SGCZ: variants seen among roughly 807,000 people sequenced by gnomAD.
SGCZ encodes sarcoglycan zeta.
Under a neutral mutation model 41.3 loss-of-function variants are expected in SGCZ, and 40 were observed. The ratio of observed to expected loss-of-function variants is 0.97; its 90% CI spans 0.75 to 1.26. The LOEUF is 1.26. Among genes scored for constraint, SGCZ ranks in the 50% most tolerant of loss-of-function variants. SGCZ has a pLI of 0.00. For missense variants in SGCZ, 552 were observed against 369.8 expected (o/e 1.49, Z -4.04); for synonymous variants, 206 against 137.5 (o/e 1.50, Z -3.49).
At chr8:15,024,756 G>A (rs1803385375) in intron 1 of SGCZ, among the ~76,000 whole-genome samples, 1 of 151,960 alleles carries the variant, frequency 6.6e-6, no homozygotes, top group Non-Finnish European at 1.5e-5. Flanking sequence ...CTAACATGGT[G>A]AAACCCCATC....
At chr8:14,565,343 G>C (rs1413953229) in intron 1 of SGCZ, among the ~76,000 whole-genome samples, 1 of 151,708 alleles carries the variant, frequency 6.6e-6, no homozygotes, top group Non-Finnish European at 1.5e-5. Flanking sequence ...TTTAGGCACA[G>C]GTTTACATTT....
At chr8:15,033,788 CT>C (rs1156512219) in intron 1 of SGCZ, among the ~76,000 whole-genome samples, 1 of 152,220 alleles carries the variant, frequency 6.6e-6, no homozygotes, top group East Asian at 1.9e-4. Context: ...AGGATACAAG[CT>C]TCAGGCCCAT....
chr8:14,320,252 C>T (rs546071200), intron 3 of SGCZ, among the ~76,000 whole-genome samples: 11 of 151,098 alleles, frequency 7.3e-5, no homozygotes, highest in South Asian at 4.2e-4. Context: ...CATGATAATA[C>T]AATGATTATG....
chr8:14,759,537 A>G (rs776573142), intron 1 of SGCZ, among the ~76,000 whole-genome samples: 3 of 152,208 alleles, frequency 2.0e-5, no homozygotes, highest in East Asian at 1.9e-4. Context: ...GCTTTTCTAC[A>G]TGACATGGAG....
At chr8:14,526,863 T>A (rs942397344) in intron 2 of SGCZ, among the ~76,000 whole-genome samples, 1 of 152,130 alleles carries the variant, frequency 6.6e-6, no homozygotes, top group Admixed American at 6.6e-5. Context: ...CAAATTCCAC[T>A]ATGTGATCAA....
chr8:15,199,086 A>C lies in SGCZ; in HGVS notation c.39+38499T>G, dbSNP rs190398230. 6.5e-3 allele frequency among the ~76,000 whole-genome samples: 986 copies of C among 152,344 alleles called. 5 individuals carry two copies. The highest frequency in any genetic ancestry group is 0.011 in the Non-Finnish European group (767 of 68,026). ...TTCCTCTGCCAAAACTAGGTACCAA[A>C]ACTTCATAAATTTTTAGGAACATCA... On this transcript the variant is annotated intron_variant, in intron 1 of 7. Transcript: ENST00000382080.
At position 14,774,514 on chromosome 8, in the gene SGCZ, C is replaced by T. The variant is rs80091214; in HGVS notation, c.40-219588G>A. Among the ~76,000 whole-genome samples the T allele has an allele frequency of 1.1e-3, 166 of 152,296 alleles. 3 individuals carry two copies. The East Asian group carries it at 0.026, about 23-fold the overall frequency. Reference sequence around the variant, plus strand: ...GTGAGATAGAAACCACATGTTGCAGCCCTTATGGCTTCTCCCACATGGTGT... The same window carrying T: ...GTGAGATAGAAACCACATGTTGCAGTCCTTATGGCTTCTCCCACATGGTGT... On this transcript the variant is annotated intron_variant, in intron 1 of 7. Coordinates refer to ENST00000382080, the MANE Select transcript of SGCZ (RefSeq NM_139167.4).
intron 1 of SGCZ, among the ~76,000 whole-genome samples, chr8:14,640,595 C>A (rs1585146558): frequency 7.0e-6 from 1 of 143,602 alleles, no homozygotes; most frequent in Non-Finnish European, 1.5e-5. Context: ...GTTGATAAAC[C>A]AAAACACCAC....
At chr8:14,856,762 A>G (rs549072281) in intron 1 of SGCZ, among the ~76,000 whole-genome samples, 8 of 152,312 alleles carry the variant, frequency 5.3e-5, no homozygotes, top group Admixed American at 5.2e-4. Context: ...GCCAGGTTTT[A>G]CAAGCACAGG....
At chr8:14,137,927 A>G (rs1206661451) in intron 5 of SGCZ, among the ~76,000 whole-genome samples, 2 of 152,336 alleles carry the variant, frequency 1.3e-5, no homozygotes, top group Middle Eastern at 3.4e-3. Flanking sequence ...GGGCAGCCAG[A>G]GAGAAAGGTC....
chr8:14,262,359 T>C (rs552359264), intron 3 of SGCZ, among the ~76,000 whole-genome samples: 1 of 152,140 alleles, frequency 6.6e-6, no homozygotes, highest in Admixed American at 6.5e-5. Context: ...GCACTTTCTG[T>C]GACAATGTGA....
At position 14,580,882 on chromosome 8, in the gene SGCZ, G is replaced by C. The variant is rs753805702; in HGVS notation, c.40-25956C>G. ...CGATAGAAACATCATGGTTGATTAG[G>C]GCTCACTCATTCAAGCACAATTTAC... is the stretch of plus-strand genomic sequence containing the variant. On this transcript the variant is annotated intron_variant, in intron 1 of 7. Transcript: ENST00000382080. 2.0e-5 allele frequency among the ~76,000 whole-genome samples: 3 copies of C among 152,070 alleles called. No homozygotes were observed. The East Asian group carries it at 5.8e-4, about 29-fold the overall frequency.
At chr8:14,673,357 G>A (rs1364691178) in intron 1 of SGCZ, among the ~76,000 whole-genome samples, 1 of 152,074 alleles carries the variant, frequency 6.6e-6, no homozygotes, top group Admixed American at 6.6e-5. Flanking sequence ...TGATAATGAG[G>A]GAGTTCTCAT....
rs1809332807 is a variant in SGCZ at position 14,706,352 on chromosome 8, A to G, written c.40-151426T>C. Among the ~76,000 whole-genome samples the G allele has an allele frequency of 2.0e-5, 3 of 152,216 alleles. No individual in the cohort carries two copies. In the South Asian group the frequency reaches 6.2e-4, roughly 32 times the overall value. ...CAATTGTGTTTTATGTGAAATCTCT[A>G]TGATGTTTAGAAAAGCCAACATTTT... On this transcript the variant is annotated intron_variant, in intron 1 of 7. Transcript: ENST00000382080.
chr8:14,676,384 T>G (rs1387278703), intron 1 of SGCZ, among the ~76,000 whole-genome samples: 1 of 114,780 alleles, frequency 8.7e-6, no homozygotes, highest in Non-Finnish European at 2.0e-5. Flanking sequence ...CCAGCCCTGA[T>G]GGCATATGCC....
At position 14,975,809 on chromosome 8, in the gene SGCZ, A is replaced by ATATATATATATGTGTG. The variant is rs1181919961; in HGVS notation, c.39+261775_39+261776insCACACATATATATATA. On this transcript the variant is annotated intron_variant, in intron 1 of 7. Transcript: ENST00000382080. ...CACTTTTATATATATATATATATAT[A>ATATATATATATGTGTG]TGTGTGTGTGTGTGTAGAAATAGTT... Among the ~76,000 whole-genome samples, 564 of 131,816 alleles carry ATATATATATATGTGTG rather than the reference A, an allele frequency of 4.3e-3. 2 individuals are homozygous for ATATATATATATGTGTG. Among genetic ancestry groups the ATATATATATATGTGTG allele is most frequent in the South Asian group, 0.011 (47 of 4,394 alleles). 86.5% of individuals were successfully genotyped at this position (131,816 alleles called of 152,430 possible). A position where few individuals can be genotyped will look rare whatever the true frequency, so the allele number is the denominator to read the frequency against.
chr8:15,125,252 A>AT (rs987988794), intron 1 of SGCZ, among the ~76,000 whole-genome samples: 1 of 152,156 alleles, frequency 6.6e-6, no homozygotes, highest in East Asian at 1.9e-4. Flanking sequence ...TAATTGCTAT[A>AT]TTTTTTGTTA....
At chr8:15,148,062 C>T (rs1489479785) in intron 1 of SGCZ, among the ~76,000 whole-genome samples, 1 of 98,840 alleles carries the variant, frequency 1.0e-5, no homozygotes, top group Non-Finnish European at 1.8e-5. Flanking sequence ...CTCTCAAGGA[C>T]CAACCAAGTC....
chr8:14,662,224 T>C (rs1807776840), intron 1 of SGCZ, among the ~76,000 whole-genome samples: 1 of 152,190 alleles, frequency 6.6e-6, no homozygotes, highest in African/African-American at 2.4e-5. Context: ...ATCTATATTC[T>C]ACCTATACTT....
Sources: allele counts gnomAD v4.1 joint callset (sites outside exome capture counted in the v4.1 genomes callset), GRCh38; gene constraint gnomAD v4.1.1; transcripts MANE v1.5; gene names NCBI Gene and HGNC (gene_info 2026-07-23, HGNC 2026-07-21).